Variants in ANKRD31 observed in about 807,000 individuals in gnomAD.
ANKRD31 encodes the protein ankyrin repeat domain-containing protein 31.
A neutral mutation model predicts 186.0 loss-of-function variants in ANKRD31; 147 were observed. The ratio of observed to expected loss-of-function variants is 0.79; its 90% CI spans 0.69 to 0.91. The LOEUF is 0.91. Ranked by LOEUF, ANKRD31 falls within the 40% of genes least tolerant of loss-of-function variation. The pLI is 0.00. For missense variants in ANKRD31, 1,986 were observed against 2,148.8 expected, an observed-to-expected ratio of 0.92 and a Z score of 1.50; for synonymous variants, 673 against 736.4, an observed-to-expected ratio of 0.91 and a Z score of 1.39.
intron 22 of ANKRD31, among the ~76,000 whole-genome samples, chr5:75,101,934 T>C (rs1360007440): frequency 6.6e-6 from 1 of 152,354 alleles, no homozygotes; most frequent in South Asian, 2.1e-4. Flanking sequence ...TCTCAACTTG[T>C]CAAAGTCATT....
chr5:75,111,979 A>T (rs1747825710), intron 20 of ANKRD31, among the ~76,000 whole-genome samples: 1 of 152,230 alleles, frequency 6.6e-6, no homozygotes, highest in Admixed American at 6.5e-5. Flanking sequence ...ACAGGGTAAC[A>T]TAATCTCATC....
chr5:75,102,485 AG>A (rs1349603584), intron 22 of ANKRD31, among the ~76,000 whole-genome samples: 1 of 152,238 alleles, frequency 6.6e-6, no homozygotes, highest in Non-Finnish European at 1.5e-5. Flanking sequence ...TTAAGTCTGC[AG>A]AAGTTTCTGC....
At chr5:75,077,931 C>CAAAAAAAAAAA in intron 25 of ANKRD31, among the ~76,000 whole-genome samples, 1 of 66,732 alleles carries the variant, frequency 1.5e-5, no homozygotes, top group Non-Finnish European at 3.0e-5. Context: ...GACTCCGTCT[C>CAAAAAAAAAAA]AAAAAAAAAA....
At position 75,090,641 on chromosome 5, in the gene ANKRD31, G is replaced by A. The variant is rs149394993; in HGVS notation, c.5472+620C>T. On this transcript the variant is annotated intron_variant, in intron 23 of 25. Coordinates refer to ENST00000506364, the MANE Select transcript of ANKRD31 (RefSeq NM_001372053.1). ...AGACTGTCCCTGAAGTCTGCAGGTG[G>A]ATGAACACTAGACCTCAAGAACATC... Among the ~76,000 whole-genome samples, 5 of 152,266 alleles carry A rather than the reference G, an allele frequency of 3.3e-5. No individual in the cohort carries two copies. In the East Asian group the frequency reaches 9.6e-4, roughly 29 times the overall value.
chr5:75,193,739 T>C (rs1285436519), intron 7 of ANKRD31, 148 bp from the exon 8 acceptor site: 1 of 676,722 alleles, frequency 1.5e-6, no homozygotes, highest in African/African-American at 1.8e-5. Flanking sequence ...TATGTGGACA[T>C]AATGAAAGAT....
chr5:75,188,729 A>C (rs1185244177), intron 9 of ANKRD31, 81 bp from the exon 10 acceptor site: 7 of 1,211,684 alleles, frequency 5.8e-6, no homozygotes, highest in South Asian at 4.7e-5. Flanking sequence ...ACATATTTCA[A>C]ACTACAAACT....
intron 10 of ANKRD31, among the ~76,000 whole-genome samples, chr5:75,187,045 G>A (rs2150231791): frequency 6.7e-6 from 1 of 149,844 alleles, no homozygotes; most frequent in East Asian, 2.0e-4. Context: ...GTGTGTGTGT[G>A]TGTGTGTGTT....
rs1010849304 is a variant in ANKRD31 at position 75,104,515 on chromosome 5, G to T, written c.5044C>A (p.Gln1682Lys). 3 of 1,536,908 alleles carry T rather than the reference G, an allele frequency of 2.0e-6. No homozygotes were observed. The highest frequency in any genetic ancestry group is 1.7e-6 in the Non-Finnish European group (2 of 1,146,856). ...PKRGNRKTSS[Q>K]QSPTGASESL... ...TCTGATGCCCCTGTAGGTGATTGCT[G>T]GGAACTTGTTTTTCTGTTTCCTCTT... Residue 1682 changes from glutamine to lysine, a missense_variant, in exon 22 of 26, where the codon CAG becomes AAG. Gln to Lys is a moderately conservative substitution (Grantham distance 53). Coordinates refer to ENST00000506364, the MANE Select transcript of ANKRD31 (RefSeq NM_001372053.1).
At chr5:75,077,503 G>A (rs907245813) in intron 25 of ANKRD31, among the ~76,000 whole-genome samples, 24 of 152,136 alleles carry the variant, frequency 1.6e-4, no homozygotes, top group African/African-American at 5.6e-4. Context: ...CTCTTTGGGG[G>A]GGGAATTAAA....
chr5:75,093,459 G>T (rs1746089788), intron 22 of ANKRD31, among the ~76,000 whole-genome samples: 1 of 151,836 alleles, frequency 6.6e-6, no homozygotes, highest in Admixed American at 6.6e-5. Context: ...TCCAGCCTGG[G>T]CAACAAGACC....
intron 2 of ANKRD31, among the ~76,000 whole-genome samples, chr5:75,228,018 C>CATGA (rs1371878420): frequency 6.6e-6 from 1 of 152,194 alleles, no homozygotes; most frequent in African/African-American, 2.4e-5. Context: ...AATTATCTTC[C>CATGA]ATGAAACTGG....
At chr5:75,092,096 G>T (rs1289004002) in intron 22 of ANKRD31, among the ~76,000 whole-genome samples, 2 of 152,200 alleles carry the variant, frequency 1.3e-5, no homozygotes. Flanking sequence ...TTCTGCCTGA[G>T]AAGAGAAGCA....
At chr5:75,121,847 T>C (rs1172009236) in intron 17 of ANKRD31, among the ~76,000 whole-genome samples, 1 of 151,890 alleles carries the variant, frequency 6.6e-6, no homozygotes, top group African/African-American at 2.4e-5. Flanking sequence ...AATGCCTATA[T>C]CAAAAGAATA....
At chr5:75,191,795 T>C (rs1335245306) in intron 9 of ANKRD31, among the ~76,000 whole-genome samples, 2 of 152,098 alleles carry the variant, frequency 1.3e-5, no homozygotes. Context: ...ATTTTCTTTT[T>C]GGAACAATTA....
At chr5:75,084,027 C>T (rs913959271) in intron 24 of ANKRD31, among the ~76,000 whole-genome samples, 1 of 152,150 alleles carries the variant, frequency 6.6e-6, no homozygotes, top group Non-Finnish European at 1.5e-5. Context: ...TGGGAAACAA[C>T]AGCTGAGTGG....
intron 3 of ANKRD31, among the ~76,000 whole-genome samples, chr5:75,219,185 G>A (rs1757141375): frequency 6.6e-6 from 1 of 152,156 alleles, no homozygotes; most frequent in South Asian, 2.1e-4. Context: ...AATAAAAAGA[G>A]AGGAAGTCAA....
intron 11 of ANKRD31, among the ~76,000 whole-genome samples, chr5:75,162,213 A>G (rs2150175085): frequency 6.6e-6 from 1 of 152,358 alleles, no homozygotes; most frequent in East Asian, 1.9e-4. Flanking sequence ...CTGCAAAGCC[A>G]CAAAGGCAGA....
intron 15 of ANKRD31, among the ~76,000 whole-genome samples, chr5:75,140,700 G>C (rs982521784): frequency 3.3e-5 from 5 of 152,166 alleles, no homozygotes; most frequent in African/African-American, 1.2e-4. Context: ...CAGCTTGTAA[G>C]TTTTGATGAT....
chr5:75,182,497 T>A (rs1754389779), intron 10 of ANKRD31, among the ~76,000 whole-genome samples: 3 of 152,182 alleles, frequency 2.0e-5, no homozygotes, highest in South Asian at 4.2e-4. Flanking sequence ...GAAAGGCAGA[T>A]CACCTGAAGT....
Sources: allele counts gnomAD v4.1 joint callset (sites outside exome capture counted in the v4.1 genomes callset), GRCh38; gene constraint gnomAD v4.1.1; transcripts MANE v1.5; gene names NCBI Gene and HGNC (gene_info 2026-07-23, HGNC 2026-07-21).